The following ZNF644 variants were observed in gnomAD, a reference collection of about 807,000 sequenced individuals.
ZNF644 encodes the protein zinc finger protein 644.
ZNF644 carries 20 observed loss-of-function variants against 108.0 expected under a neutral mutation model. That is an observed-to-expected ratio of 0.19 (90% CI 0.13 to 0.27). The LOEUF (loss-of-function observed/expected upper bound fraction) is 0.27. Among genes scored for constraint, ZNF644 ranks in the 10% least tolerant of loss-of-function variants. ZNF644 has a pLI of 1.00. For missense variants in ZNF644, 1,338 were observed against 1,548.9 expected (o/e 0.86, Z 2.29); for synonymous variants, 542 against 539.1 (o/e 1.01, Z -0.08).
rs371384761 is a variant in ZNF644, at chr1:91,005,638, T to A, written c.-18+16352A>T. On this transcript the variant is annotated intron_variant, in intron 1 of 5. Transcript: ENST00000337393. Reference sequence around the variant, plus strand: ...TCAATACCAGAAGGAAATTGGTAAGTTAATATGTGGAAATTAAGCAACAAA... The same window carrying A: ...TCAATACCAGAAGGAAATTGGTAAGATAATATGTGGAAATTAAGCAACAAA... 2.6e-5 allele frequency among the ~76,000 whole-genome samples: 4 copies of A among 152,208 alleles called. No homozygotes were observed. In the East Asian group the frequency reaches 5.8e-4, roughly 22 times the overall value.
chr1:90,951,333 CAG>C (rs896368082), intron 2 of ZNF644, among the ~76,000 whole-genome samples: 3 of 152,224 alleles, frequency 2.0e-5, no homozygotes, highest in Non-Finnish European at 4.4e-5. Flanking sequence ...AAAGGACCTA[CAG>C]AGAGATACTA....
chr1:90,952,764 G>A (rs1653308146), intron 2 of ZNF644, among the ~76,000 whole-genome samples: 2 of 152,066 alleles, frequency 1.3e-5, no homozygotes, highest in Admixed American at 6.6e-5. Context: ...TGGAATCCCG[G>A]AAGGAAAGAA....
intron 2 of ZNF644, among the ~76,000 whole-genome samples, chr1:90,979,989 C>G (rs1010750949): frequency 3.3e-5 from 5 of 152,066 alleles, no homozygotes; most frequent in Admixed American, 1.3e-4. Context: ...TGTGGATTAT[C>G]CTCAGTGGCT....
intron 4 of ZNF644, among the ~76,000 whole-genome samples, chr1:90,924,235 T>C (rs1334795556): frequency 6.6e-6 from 1 of 152,182 alleles, no homozygotes; most frequent in Non-Finnish European, 1.5e-5. Context: ...ATTACTTCTT[T>C]GTGGTGACAG....
chr1:90,933,962 G>A (rs1270673077), intron 4 of ZNF644, among the ~76,000 whole-genome samples: 1 of 152,158 alleles, frequency 6.6e-6, no homozygotes, highest in East Asian at 1.9e-4. Flanking sequence ...AAGATTAAAT[G>A]TTATGCATGT....
At chr1:90,929,519 A>C (rs1650471231) in intron 4 of ZNF644, among the ~76,000 whole-genome samples, 1 of 152,214 alleles carries the variant, frequency 6.6e-6, no homozygotes, top group South Asian at 2.1e-4. Context: ...TGAATGAACC[A>C]CTATGAAAAC....
intron 2 of ZNF644, among the ~76,000 whole-genome samples, chr1:90,948,364 T>C (rs1186463933): frequency 2.0e-5 from 3 of 152,172 alleles, no homozygotes; most frequent in Non-Finnish European, 4.4e-5. Context: ...ACAAAGTTAG[T>C]GGCATGACTG....
intron 2 of ZNF644, among the ~76,000 whole-genome samples, chr1:90,944,579 A>T (rs1438905456): frequency 6.7e-6 from 1 of 149,852 alleles, no homozygotes; most frequent in Non-Finnish European, 1.5e-5. Flanking sequence ...AATATGTTAC[A>T]AAAGTTGACT....
rs1651755114 is a variant in ZNF644 at position 90,939,705 on chromosome 1, G to T, written c.1649C>A (p.Ala550Glu). The stretch of plus-strand genomic sequence containing the variant: ...AGTGACCATAGGGCATTTTACCACT[G>T]CCCCATGTGCAATGCCTCGATGGCA... The part of the protein sequence containing the change: ...LECHRGIAHG[A>E]VVKCPMVTSD... The change falls in exon 3 of 6, where the codon GCA becomes GAA. Residue 550 changes from alanine (A) to glutamate (E), a missense_variant. This residue lies in a region of ZNF644 where 462 missense variants were observed against 472.6 expected (regional missense o/e 0.98). Transcript: ENST00000337393. 1 of 1,613,842 alleles carries T rather than the reference G, an allele frequency of 6.2e-7. No homozygotes were observed. Among genetic ancestry groups the T allele is most frequent in the Admixed American group, 1.7e-5 (1 of 59,980 alleles).
intron 1 of ZNF644, among the ~76,000 whole-genome samples, chr1:90,996,087 T>C (rs1658118755): frequency 6.6e-6 from 1 of 152,084 alleles, no homozygotes; most frequent in South Asian, 2.1e-4. Context: ...GCAATACATA[T>C]ATTAAAAGGT....
chr1:90,920,888 G>A (rs1447235114), intron 4 of ZNF644, among the ~76,000 whole-genome samples: 2 of 151,990 alleles, frequency 1.3e-5, no homozygotes, highest in Non-Finnish European at 2.9e-5. Flanking sequence ...ATCAATTCTA[G>A]ATTTATTATC....
At chr1:90,976,869 A>C (rs1005980496) in intron 2 of ZNF644, among the ~76,000 whole-genome samples, 1 of 152,176 alleles carries the variant, frequency 6.6e-6, no homozygotes, top group Admixed American at 6.5e-5. Context: ...ATAGTACTTT[A>C]AACATATCTA....
At chr1:90,930,146 C>A (rs145407628) in intron 4 of ZNF644, among the ~76,000 whole-genome samples, 1 of 152,024 alleles carries the variant, frequency 6.6e-6, no homozygotes, top group Non-Finnish European at 1.5e-5. Flanking sequence ...ATTAGCCGGG[C>A]GTGATGGCGT....
intron 1 of ZNF644, among the ~76,000 whole-genome samples, chr1:91,016,823 G>A (rs1660475219): frequency 6.6e-6 from 1 of 152,052 alleles, no homozygotes; most frequent in African/African-American, 2.4e-5. Flanking sequence ...TACGTTTCTA[G>A]AGTTTGAACA....
chr1:90,940,271 T>A lies in ZNF644; in HGVS notation c.1083A>T (p.Gln361His). 6.2e-7 allele frequency: 1 copy of A among 1,614,024 alleles called. No homozygotes were observed. Among genetic ancestry groups the A allele is most frequent in the Non-Finnish European group, 8.5e-7 (1 of 1,179,962 alleles). Residue 361 changes from glutamine (Q) to histidine (H), a missense_variant, in exon 3 of 6, where the codon CAA (glutamine) becomes CAT (histidine). Physicochemically the swap from Gln to His is conservative, Grantham distance 24. Coordinates refer to ENST00000337393, the MANE Select transcript of ZNF644 (RefSeq NM_201269.3). ...ACTTATCTGGGTTATAAATTAGATG[T>A]TGGAAGGCATCCACAGATTCTAAGT... ...DEDLESVDAF[Q>H]HLIYNPDKCG... is the part of the protein sequence containing the mutation.
At chr1:90,995,612 A>G (rs2101623244) in intron 1 of ZNF644, among the ~76,000 whole-genome samples, 1 of 152,338 alleles carries the variant, frequency 6.6e-6, no homozygotes, top group East Asian at 1.9e-4. Context: ...GGTGAAAGCC[A>G]AAGAGAAACC....
chr1:90,990,880 T>C (rs371370687), intron 1 of ZNF644, among the ~76,000 whole-genome samples: 7 of 152,102 alleles, frequency 4.6e-5, no homozygotes, highest in Admixed American at 4.6e-4. Context: ...CTATATGCTG[T>C]TAAAGAGACA....
chr1:90,959,975 GA>G (rs2101119777), intron 2 of ZNF644, among the ~76,000 whole-genome samples: 1 of 152,238 alleles, frequency 6.6e-6, no homozygotes, highest in African/African-American at 2.4e-5. Context: ...ATCCCACTCA[GA>G]GGGATATAAA....
chr1:90,953,300 T>C (rs890906198), intron 2 of ZNF644, among the ~76,000 whole-genome samples: 8 of 24,634 alleles, frequency 3.2e-4, no homozygotes, highest in African/African-American at 9.1e-4. Context: ...GAGCCACCAT[T>C]TTTTTTTTTT....
Sources: allele counts gnomAD v4.1 joint callset (sites outside exome capture counted in the v4.1 genomes callset), GRCh38; gene constraint gnomAD v4.1.1; regional missense constraint gnomAD v4.1.1; transcripts MANE v1.5; gene names NCBI Gene and HGNC (gene_info 2026-07-23, HGNC 2026-07-21).